ZC3H15: variants seen among roughly 807,000 people sequenced by gnomAD.
ZC3H15 encodes the protein zinc finger CCCH domain-containing protein 15.
Under a neutral mutation model 51.2 loss-of-function variants are expected in ZC3H15, and 15 were observed. The observed-to-expected ratio is 0.29, with a 90% CI of 0.20 to 0.45. The LOEUF (loss-of-function observed/expected upper bound fraction) is 0.45. Ranked by LOEUF, ZC3H15 falls within the 20% of genes least tolerant of loss-of-function variation. The pLI, the probability that ZC3H15 is intolerant of heterozygous loss-of-function variation, is 1.00. For synonymous variants in ZC3H15, 144 were observed against 162.8 expected (o/e 0.88, Z 0.88); for missense variants, 381 against 494.7 (o/e 0.77, Z 2.18).
chr2:186,487,699 G>A (rs1685123734), intron 1 of ZC3H15, among the ~76,000 whole-genome samples: 1 of 152,194 alleles, frequency 6.6e-6, no homozygotes, highest in African/African-American at 2.4e-5. Context: ...TTCAGGGGTT[G>A]CTGATCGGAT....
rs1280694365 is a variant in ZC3H15 at position 186,502,530 on chromosome 2, A to G, written c.477A>G (p.Glu159=). Residue 159 remains glutamate (E), a synonymous_variant, in exon 5 of 10, where the codon GAA becomes GAG. Transcript: ENST00000337859. ...ATAATTGGGATGAGAAAAAGCTGGA[A>G]GAAGTAGTGAACAAGAAGCACGGTG... The part of the protein sequence containing the change: ...TMDNWDEKKL[E]EVVNKKHGEA... 6.2e-7 allele frequency: 1 copy of G among 1,613,144 alleles called. No homozygotes were observed. The highest frequency in any genetic ancestry group is 8.5e-7 in the Non-Finnish European group (1 of 1,179,592).
At chr2:186,487,217 T>A (rs1685112456) in intron 1 of ZC3H15, 3 of 152,224 alleles carry the variant, frequency 2.0e-5, no homozygotes, top group Admixed American at 2.0e-4. Context: ...TTTAACACAT[T>A]GAGCCTGTAG....
chr2:186,495,408 G>T, intron 2 of ZC3H15, 74 bp downstream of exon 2: 2 of 911,848 alleles, frequency 2.2e-6, no homozygotes, highest in South Asian at 3.1e-5. Flanking sequence ...TAAAATGTCT[G>T]GTATTATTAT....
chr2:186,501,409 TGAA>T lies in ZC3H15; in HGVS notation c.430_432del (p.Glu144del). ...GAAGTGTTTACATTGATGCAAGAGA[TGAA>T]GAACTTGAAAAAGGTAATTTTTTTA... is the stretch of plus-strand genomic sequence containing the variant. On this transcript the variant is annotated inframe_deletion, in exon 4 of 10. Coordinates refer to ENST00000337859, the MANE Select transcript of ZC3H15 (RefSeq NM_018471.3). The T allele has an allele frequency of 6.2e-7, 1 of 1,606,260 alleles. No individual in the cohort carries two copies. The highest frequency in any genetic ancestry group is 8.5e-7 in the Non-Finnish European group (1 of 1,177,590).
In ZC3H15 at chr2:186,508,951, T is replaced by C. The variant is rs947117944; in HGVS notation, c.*218T>C. The C allele has an allele frequency of 8.7e-5, 56 of 640,054 alleles. No homozygotes were observed. The African/African-American group carries it at 9.7e-4, about 11-fold the overall frequency. 39.6% of individuals were successfully genotyped at this position (640,054 alleles called of 1,614,324 possible). ...AGAGTAGTTCATGATAAATTGAAAA[T>C]ATAATGGTCATTGCAGAAAATGATT... On this transcript the variant is annotated 3_prime_UTR_variant, in exon 10 of 10. Transcript: ENST00000337859.
chr2:186,497,146 AT>A, intron 2 of ZC3H15: 1 of 443,106 alleles, frequency 2.3e-6, no homozygotes, highest in Non-Finnish European at 4.5e-6. Context: ...TTTTTCCACC[AT>A]TTTTATCTCC....
At chr2:186,486,666 G>C (rs1167644355) in intron 1 of ZC3H15, among the ~76,000 whole-genome samples, 1 of 152,190 alleles carries the variant, frequency 6.6e-6, no homozygotes, top group Non-Finnish European at 1.5e-5. Flanking sequence ...CCTGGGCTTT[G>C]CCTCTCCGCC....
chr2:186,505,389 T>G (rs1685451094), intron 6 of ZC3H15, 62 bp from the exon 7 acceptor site: 2 of 1,489,110 alleles, frequency 1.3e-6, no homozygotes, highest in Admixed American at 4.9e-5. Context: ...AAGAGATAAC[T>G]GCAACTAAGC....
chr2:186,507,378 T>C (rs1398434302), intron 9 of ZC3H15: 1 of 456,530 alleles, frequency 2.2e-6, no homozygotes, highest in Non-Finnish European at 4.4e-6. Flanking sequence ...TACAGTCCTC[T>C]CTCTCTTAAT....
chr2:186,499,401 G>C (rs558249801), intron 2 of ZC3H15, among the ~76,000 whole-genome samples: 1 of 152,174 alleles, frequency 6.6e-6, no homozygotes, highest in Admixed American at 6.5e-5. Context: ...CTTTGCATTG[G>C]CTGGCTCTTT....
At chr2:186,489,405 A>G (rs939457793) in intron 1 of ZC3H15, among the ~76,000 whole-genome samples, 1 of 152,194 alleles carries the variant, frequency 6.6e-6, no homozygotes, top group Admixed American at 6.5e-5. Context: ...AGCACGTCTC[A>G]GTGACTATTC....
At chr2:186,498,806 A>G (rs967153952) in intron 2 of ZC3H15, among the ~76,000 whole-genome samples, 1 of 151,898 alleles carries the variant, frequency 6.6e-6, no homozygotes, top group African/African-American at 2.4e-5. Flanking sequence ...CCACTTTTTT[A>G]TGCTCTCCTT....
At chr2:186,487,819 T>G (rs1192385033) in intron 1 of ZC3H15, among the ~76,000 whole-genome samples, 5 of 152,232 alleles carry the variant, frequency 3.3e-5, no homozygotes, top group Non-Finnish European at 7.3e-5. Context: ...ATGTAATAAT[T>G]TAGACAATTT....
intron 9 of ZC3H15, 43 bp from the exon 10 acceptor site, chr2:186,508,499 GT>G (rs1236645165): frequency 6.4e-7 from 1 of 1,573,814 alleles, no homozygotes; most frequent in Non-Finnish European, 8.7e-7. Context: ...GTGGAATGGT[GT>G]TTTCTGCTTC....
chr2:186,507,601 G>A (rs1685488632), intron 9 of ZC3H15: 1 of 374,388 alleles, frequency 2.7e-6, no homozygotes, highest in Non-Finnish European at 5.4e-6. Flanking sequence ...ATGTCTAATT[G>A]TGCCTTGAGT....
chr2:186,507,867 G>A (rs1259191059), intron 9 of ZC3H15, among the ~76,000 whole-genome samples: 1 of 152,172 alleles, frequency 6.6e-6, no homozygotes, highest in African/African-American at 2.4e-5. Context: ...AGGCACAACT[G>A]CAAATAATTC....
At chr2:186,505,211 C>T in intron 6 of ZC3H15, 1 of 243,954 alleles carries the variant, frequency 4.1e-6, no homozygotes, top group Non-Finnish European at 7.7e-6. Flanking sequence ...TGACAAGTTA[C>T]TCATCTTCAA....
intron 2 of ZC3H15, 25 bp downstream of exon 2, chr2:186,495,359 T>G (rs1685265725): frequency 7.7e-7 from 1 of 1,298,792 alleles, no homozygotes; most frequent in Non-Finnish European, 1.0e-6. Flanking sequence ...TGTCCATATC[T>G]TTTTATAAAT....
At chr2:186,503,035 C>G (rs1195235318) in intron 5 of ZC3H15, among the ~76,000 whole-genome samples, 1 of 152,136 alleles carries the variant, frequency 6.6e-6, no homozygotes, top group Non-Finnish European at 1.5e-5. Flanking sequence ...GGTAGTGGCT[C>G]TAATTCCAGG....
Sources: gnomAD v4.1 joint callset for allele counts (sites outside exome capture counted in the v4.1 genomes callset) on GRCh38, gnomAD v4.1.1 for gene constraint, MANE v1.5 for transcripts, NCBI Gene and HGNC (gene_info 2026-07-23, HGNC 2026-07-21) for gene names.